SGMS1: variants seen among roughly 807,000 people sequenced by gnomAD.
SGMS1 encodes the protein phosphatidylcholine:ceramide cholinephosphotransferase 1.
Under a neutral mutation model 46.2 loss-of-function variants are expected in SGMS1, and 13 were observed. That is an observed-to-expected ratio of 0.28 (90% CI 0.18 to 0.45). The LOEUF is 0.45. Among genes scored for constraint, SGMS1 ranks in the 20% least tolerant of loss-of-function variants. The pLI, the probability that SGMS1 is intolerant of heterozygous loss-of-function variation, is 1.00. For synonymous variants in SGMS1, 203 were observed against 187.8 expected, an observed-to-expected ratio of 1.08 and a Z score of -0.66; for missense variants, 324 against 519.9, an observed-to-expected ratio of 0.62 and a Z score of 3.66.
At chr10:50,394,863 G>A (rs1421902075) in intron 6 of SGMS1, among the ~76,000 whole-genome samples, 9 of 152,140 alleles carry the variant, frequency 5.9e-5, no homozygotes, top group Non-Finnish European at 1.3e-4. Context: ...TATCTAAAAA[G>A]TAAAAATATG....
intron 6 of SGMS1, among the ~76,000 whole-genome samples, chr10:50,353,068 A>C (rs995443779): frequency 2.6e-5 from 4 of 152,208 alleles, no homozygotes; most frequent in Non-Finnish European, 4.4e-5. Flanking sequence ...AAAAGAGGGA[A>C]TCCTCCCTAA....
chr10:50,516,452 T>C (rs1430209142), intron 3 of SGMS1, among the ~76,000 whole-genome samples: 2 of 152,126 alleles, frequency 1.3e-5, no homozygotes, highest in Non-Finnish European at 2.9e-5. Context: ...GAAAGAAAAA[T>C]GGCATTGTGA....
At chr10:50,354,090 C>T (rs1297215978) in intron 6 of SGMS1, among the ~76,000 whole-genome samples, 1 of 148,860 alleles carries the variant, frequency 6.7e-6, no homozygotes, top group Admixed American at 6.7e-5. Context: ...GAAAAAACTA[C>T]TTTAAAGTTC....
intron 5 of SGMS1, among the ~76,000 whole-genome samples, chr10:50,436,562 C>T (rs530963995): frequency 6.6e-6 from 1 of 152,152 alleles, no homozygotes; most frequent in Non-Finnish European, 1.5e-5. Flanking sequence ...GACGTATGAA[C>T]CCTGGCTGTG....
intron 8 of SGMS1, among the ~76,000 whole-genome samples, chr10:50,323,445 T>C (rs1847480956): frequency 6.6e-6 from 1 of 152,188 alleles, no homozygotes; most frequent in Admixed American, 6.5e-5. Context: ...CAGGCCTTAA[T>C]TGGTATCTCA....
intron 7 of SGMS1, among the ~76,000 whole-genome samples, chr10:50,337,930 T>C (rs1303693594): frequency 1.3e-5 from 2 of 151,758 alleles, no homozygotes; most frequent in Admixed American, 1.3e-4. Context: ...ATACAGAATG[T>C]TAGTAAACTT....
At chr10:50,598,251 T>C (rs1329045481) in intron 1 of SGMS1, among the ~76,000 whole-genome samples, 2 of 151,878 alleles carry the variant, frequency 1.3e-5, no homozygotes, top group Non-Finnish European at 2.9e-5. Flanking sequence ...GATGTGAGGA[T>C]ACAGTAAGAA....
chr10:50,405,793 C>G (rs943526958), intron 6 of SGMS1, among the ~76,000 whole-genome samples: 2 of 152,136 alleles, frequency 1.3e-5, no homozygotes, highest in Non-Finnish European at 1.5e-5. Context: ...TAAACAAAAG[C>G]CTGGAATGTC....
At chr10:50,549,943 C>T (rs3011790) in intron 2 of SGMS1, among the ~76,000 whole-genome samples, 26,383 of 152,168 alleles carry the variant, frequency 0.17, 2,974 homozygotes, top group Non-Finnish European at 0.26. Flanking sequence ...AACACCACAG[C>T]TATTAAAAGC....
chr10:50,623,162 G>A lies in SGMS1; in HGVS notation c.-684+545C>T, dbSNP rs572465776. The stretch of plus-strand genomic sequence containing the variant: ...ACCTGTTTTGTCGTCAGGGGGCATC[G>A]AGGGGCTACGGTGGGGGGATCCCGA... On this transcript the variant is annotated intron_variant, in intron 1 of 10. Transcript: ENST00000361781. Among the ~76,000 whole-genome samples, 171 of 152,182 alleles carry A rather than the reference G, an allele frequency of 1.1e-3. 1 individual carries two copies. Among genetic ancestry groups the A allele is most frequent in the Non-Finnish European group, 1.1e-3 (78 of 67,962 alleles).
intron 1 of SGMS1, among the ~76,000 whole-genome samples, chr10:50,598,759 C>T (rs1838620434): frequency 6.6e-6 from 1 of 152,134 alleles, no homozygotes; most frequent in South Asian, 2.1e-4. Flanking sequence ...CACATCACCT[C>T]CCAGAGCCTT....
intron 3 of SGMS1, among the ~76,000 whole-genome samples, chr10:50,476,097 C>CAAAAAAAAAAAAAAAAAA (rs58641986): frequency 2.3e-5 from 1 of 43,324 alleles, no homozygotes; most frequent in Non-Finnish European, 4.1e-5. Context: ...ACTAAAAATA[C>CAAAAAAAAAAAAAAAAAA]AAAAAAAAAA....
chr10:50,310,368 A>G (rs1160542924), intron 9 of SGMS1, among the ~76,000 whole-genome samples: 1 of 152,226 alleles, frequency 6.6e-6, no homozygotes, highest in Non-Finnish European at 1.5e-5. Flanking sequence ...AAAATTTTCC[A>G]TAAGTAGAGA....
At chr10:50,529,857 G>A (rs1236958718) in intron 2 of SGMS1, among the ~76,000 whole-genome samples, 1 of 152,234 alleles carries the variant, frequency 6.6e-6, no homozygotes, top group Non-Finnish European at 1.5e-5. Context: ...TTTTGGCAAA[G>A]GAGAACCATG....
At chr10:50,624,210 G>C (rs1204408395), upstream of SGMS1, 14 of 757,484 alleles carry the variant, frequency 1.8e-5, no homozygotes, top group Non-Finnish European at 2.3e-5. Flanking sequence ...ACTAAGTAAG[G>C]CCTAGCGGGA....
chr10:50,322,809 G>C (rs928271304), intron 8 of SGMS1, among the ~76,000 whole-genome samples: 1 of 144,500 alleles, frequency 6.9e-6, no homozygotes, highest in African/African-American at 2.6e-5. Context: ...TCCGCAGTCC[G>C]GCCTGGGCGA....
intron 3 of SGMS1, among the ~76,000 whole-genome samples, chr10:50,468,168 T>C (rs890012264): frequency 6.6e-6 from 1 of 152,244 alleles, no homozygotes; most frequent in Non-Finnish European, 1.5e-5. Context: ...CCTGTTTTGC[T>C]ATCCCCAGTT....
intron 1 of SGMS1, among the ~76,000 whole-genome samples, chr10:50,618,321 A>T (rs1838817439): frequency 6.6e-6 from 1 of 152,230 alleles, no homozygotes; most frequent in African/African-American, 2.4e-5. Context: ...TTATACTCTT[A>T]AAGTGCAACC....
intron 3 of SGMS1, among the ~76,000 whole-genome samples, chr10:50,480,739 CTGAAGGCTA>C (rs1837469175): frequency 6.6e-6 from 1 of 152,146 alleles, no homozygotes; most frequent in African/African-American, 2.4e-5. Context: ...TGGCAGCAGG[CTGAAGGCTA>C]CCTAAGATGA....
Sources: gnomAD v4.1 joint callset for allele counts (sites outside exome capture counted in the v4.1 genomes callset) on GRCh38, gnomAD v4.1.1 for gene constraint, MANE v1.5 for transcripts, NCBI Gene and HGNC (gene_info 2026-07-23, HGNC 2026-07-21) for gene names.